Variants in TRIM61 observed in about 807,000 individuals in gnomAD.
TRIM61 encodes tripartite motif containing 61, also known as putative tripartite motif-containing protein 61.
TRIM61 carries 1 observed loss-of-function variant against 14.2 expected under a neutral mutation model. That is an observed-to-expected ratio of 0.07 (90% CI 0.03 to 0.33). TRIM61 has a LOEUF of 0.33. Ranked by LOEUF, TRIM61 falls within the 10% of genes least tolerant of loss-of-function variation. TRIM61 has a pLI of 0.99. For synonymous variants in TRIM61, 8 were observed against 71.6 expected (o/e 0.11, Z 4.49); for missense variants, 19 against 202.2 (o/e 0.09, Z 5.49).
chr4:164,960,407 T>C (rs1732107291), intron 3 of TRIM61, among the ~76,000 whole-genome samples: 1 of 149,706 alleles, frequency 6.7e-6, no homozygotes, highest in Admixed American at 6.6e-5. Flanking sequence ...GAAAAAAAAA[T>C]AGGTAGGCAT....
At chr4:164,956,970 G>C in intron 3 of TRIM61, 3 of 1,437,638 alleles carry the variant, frequency 2.1e-6, no homozygotes, top group South Asian at 1.5e-5. Context: ...GGGTGAGACC[G>C]TGAAGGTGTG....
At chr4:164,957,137 G>A in intron 3 of TRIM61, 2 of 1,604,646 alleles carry the variant, frequency 1.2e-6, no homozygotes, top group South Asian at 1.1e-5. Flanking sequence ...CTGGTGCAGG[G>A]CTTCGGGTCT....
chr4:164,957,335 G>A (rs1732030283), intron 3 of TRIM61: 1 of 1,613,996 alleles, frequency 6.2e-7, no homozygotes, highest in South Asian at 1.1e-5. Context: ...CAGCATTCCG[G>A]CTGTCACGCC....
At chr4:164,967,763 G>A (rs925227891) in intron 3 of TRIM61, among the ~76,000 whole-genome samples, 1 of 152,150 alleles carries the variant, frequency 6.6e-6, no homozygotes, top group East Asian at 1.9e-4. Context: ...GCTTTGGGAG[G>A]CTAAGGCAGG....
rs549495421 is a variant in TRIM61, at chr4:164,967,877, C to T, written c.525+1601G>A. Among the ~76,000 whole-genome samples, 29 of 151,228 alleles carry T rather than the reference C, an allele frequency of 1.9e-4. No individual in the cohort carries two copies. The South Asian group carries it at 4.6e-3, about 24-fold the overall frequency. ...GGCTGAAAGTAGCTACCTGGCTGGG[C>T]GTGGTGGCTCACACCTGTAATCCCA... On this transcript the variant is annotated intron_variant, in intron 3 of 4. Coordinates refer to ENST00000329314, the MANE Select transcript of TRIM61 (RefSeq NM_001012414.3).
intron 2 of TRIM61, among the ~76,000 whole-genome samples, chr4:164,974,182 C>T (rs1732431576): frequency 6.6e-6 from 1 of 152,154 alleles, no homozygotes; most frequent in Non-Finnish European, 1.5e-5. Flanking sequence ...AAAAGCAGCA[C>T]ATTGACATTT....
intron 3 of TRIM61, among the ~76,000 whole-genome samples, chr4:164,955,978 G>A (rs1027802739): frequency 2.6e-5 from 4 of 152,212 alleles, no homozygotes; most frequent in African/African-American, 9.6e-5. Flanking sequence ...CGGGGAGGCG[G>A]CTCAAAGAAA....
At chr4:164,976,387 G>C (rs1579152660) in intron 2 of TRIM61, among the ~76,000 whole-genome samples, 1 of 152,028 alleles carries the variant, frequency 6.6e-6, no homozygotes, top group African/African-American at 2.4e-5. Context: ...CCTTCATAAA[G>C]GACACAAGAG....
At chr4:164,955,755 T>G (rs1731973054) in intron 3 of TRIM61, among the ~76,000 whole-genome samples, 1 of 152,024 alleles carries the variant, frequency 6.6e-6, no homozygotes. Flanking sequence ...AGGCCTGGGA[T>G]CCACACACAA....
rs566377858 is a variant in TRIM61 at position 164,968,950 on chromosome 4, G to A, written c.525+528C>T. The A allele has an allele frequency of 4.0e-6, 4 of 1,004,918 alleles. No homozygotes were observed. In the South Asian group the frequency reaches 1.3e-4, roughly 32 times the overall value. 62.3% of individuals were successfully genotyped at this position (1,004,918 alleles called of 1,614,324 possible). On this transcript the variant is annotated intron_variant, in intron 3 of 4. Coordinates refer to ENST00000329314, the MANE Select transcript of TRIM61 (RefSeq NM_001012414.3). ...GCTTGTCTTTCACTTCTACTTCCCA[G>A]TACTGCCTGCCACAACTATATCCCT...
At chr4:164,964,226 T>C (rs750039185) in intron 3 of TRIM61, among the ~76,000 whole-genome samples, 3 of 151,380 alleles carry the variant, frequency 2.0e-5, no homozygotes, top group Non-Finnish European at 2.9e-5. Flanking sequence ...TGGGCGCATG[T>C]AGTCCCAGCT....
At chr4:164,957,391 AG>A in intron 3 of TRIM61, 1 of 1,614,066 alleles carries the variant, frequency 6.2e-7, no homozygotes, top group Non-Finnish European at 8.5e-7. Context: ...CACCAGGAAA[AG>A]TCAGGAAGAG....
chr4:164,971,107 C>CA (rs1266703980), intron 2 of TRIM61, among the ~76,000 whole-genome samples: 1 of 151,282 alleles, frequency 6.6e-6, no homozygotes, highest in Non-Finnish European at 1.5e-5. Flanking sequence ...TCTCCCCCCT[C>CA]AAAAAAAATG....
Position 164,969,226 on chromosome 4 carries a change from A to C in TRIM61, c.525+252T>G, listed in dbSNP as rs543245071. The C allele has an allele frequency of 2.2e-5, 30 of 1,334,916 alleles. No individual in the cohort carries two copies. The South Asian group carries it at 5.2e-4, about 23-fold the overall frequency. The allele number at this position is 1,334,916 out of a possible 1,614,324, so 82.7% of individuals were successfully genotyped here. ...ACAGCTCAGGGAATTTTAAATTCTC[A>C]TATCTGTGATAGATATCCTTAACAT... On this transcript the variant is annotated intron_variant, in intron 3 of 4. Transcript: ENST00000329314.
chr4:164,973,206 C>T (rs900340630), intron 2 of TRIM61, among the ~76,000 whole-genome samples: 3 of 152,182 alleles, frequency 2.0e-5, no homozygotes, highest in Non-Finnish European at 4.4e-5. Flanking sequence ...ATCAGAACAA[C>T]TCCGTAAGTT....
At chr4:164,975,088 C>G (rs184535472) in intron 2 of TRIM61, among the ~76,000 whole-genome samples, 26 of 152,062 alleles carry the variant, frequency 1.7e-4, no homozygotes, top group Non-Finnish European at 3.4e-4. Context: ...CAAAAATTAG[C>G]CGGGCATGGT....
chr4:164,977,122 A>C (rs1579153056), intron 1 of TRIM61, among the ~76,000 whole-genome samples: 1 of 152,248 alleles, frequency 6.6e-6, no homozygotes, highest in African/African-American at 2.4e-5. Flanking sequence ...TTGAAATGAT[A>C]ATTCGTACCT....
intron 3 of TRIM61, among the ~76,000 whole-genome samples, chr4:164,965,117 G>A (rs558989144): frequency 7.6e-4 from 116 of 152,096 alleles, no homozygotes; most frequent in African/African-American, 2.6e-3. Context: ...GTGAAACCCC[G>A]TCTCTACTAA....
intron 1 of TRIM61, among the ~76,000 whole-genome samples, 185 bp from the exon 2 acceptor site, chr4:164,977,010 GAATA>G (rs943901909): frequency 1.7e-4 from 26 of 151,958 alleles, no homozygotes; most frequent in African/African-American, 5.6e-4. Context: ...CTTGTTTGAG[GAATA>G]AATAAAACCT....
Sources: allele counts gnomAD v4.1 joint callset (sites outside exome capture counted in the v4.1 genomes callset), GRCh38; gene constraint gnomAD v4.1.1; transcripts MANE v1.5; gene names NCBI Gene and HGNC (gene_info 2026-07-23, HGNC 2026-07-21).